CKAP5: variants seen among roughly 807,000 people sequenced by gnomAD.
The protein encoded by CKAP5 is cytoskeleton associated protein 5.
CKAP5 carries 27 observed loss-of-function variants against 232.8 expected under a neutral mutation model. The observed-to-expected ratio is 0.12, with a 90% CI of 0.09 to 0.16. CKAP5 has a LOEUF of 0.16. Ranked by LOEUF, CKAP5 falls within the 10% of genes least tolerant of loss-of-function variation. The pLI is 1.00. For synonymous variants in CKAP5, 785 were observed against 841.1 expected, an observed-to-expected ratio of 0.93 and a Z score of 1.16; for missense variants, 1,838 against 2,424.7, an observed-to-expected ratio of 0.76 and a Z score of 5.08.
At chr11:46,782,367 A>G (rs1258396487) in intron 18 of CKAP5, among the ~76,000 whole-genome samples, 1 of 152,228 alleles carries the variant, frequency 6.6e-6, no homozygotes, top group Non-Finnish European at 1.5e-5. Flanking sequence ...TATAAGTGAC[A>G]TGCCAAGAGA....
intron 25 of CKAP5, chr11:46,770,410 T>A (rs1362850241): frequency 5.6e-6 from 2 of 355,702 alleles, no homozygotes; most frequent in African/African-American, 4.2e-5. Flanking sequence ...ATATGGTTTT[T>A]TCCTCATATA....
chr11:46,799,449 T>C (rs1488724633), intron 9 of CKAP5, among the ~76,000 whole-genome samples: 1 of 152,224 alleles, frequency 6.6e-6, no homozygotes, highest in African/African-American at 2.4e-5. Flanking sequence ...AATCAAGATA[T>C]TTTAATGTCT....
At chr11:46,835,644 C>A (rs886285577) in intron 1 of CKAP5, among the ~76,000 whole-genome samples, 1 of 152,130 alleles carries the variant, frequency 6.6e-6, no homozygotes, top group Non-Finnish European at 1.5e-5. Flanking sequence ...CTCACACATA[C>A]ACACTAGTCC....
chr11:46,789,339 A>G (rs1467923255), intron 15 of CKAP5, among the ~76,000 whole-genome samples: 1 of 152,162 alleles, frequency 6.6e-6, no homozygotes, highest in East Asian at 1.9e-4. Context: ...GCTCCTTTAC[A>G]ACACAGGTTT....
At chr11:46,841,743 G>A (rs1385214680) in intron 1 of CKAP5, among the ~76,000 whole-genome samples, 1 of 152,180 alleles carries the variant, frequency 6.6e-6, no homozygotes, top group Non-Finnish European at 1.5e-5. Flanking sequence ...GCTCACGCCT[G>A]TAATCCCAGC....
intron 26 of CKAP5, among the ~76,000 whole-genome samples, chr11:46,768,431 C>G (rs2065222293): frequency 6.6e-6 from 1 of 151,596 alleles, no homozygotes; most frequent in South Asian, 2.1e-4. Flanking sequence ...ACCTCCTTGT[C>G]CTCTCAAAGT....
At chr11:46,794,180 G>T (rs149200287) in intron 13 of CKAP5, among the ~76,000 whole-genome samples, 9 of 152,212 alleles carry the variant, frequency 5.9e-5, no homozygotes, top group African/African-American at 2.2e-4. Context: ...CATAAGCCTG[G>T]GGGCAGTGGC....
chr11:46,832,899 G>A (rs1033267439), intron 1 of CKAP5, among the ~76,000 whole-genome samples: 5 of 151,936 alleles, frequency 3.3e-5, no homozygotes, highest in African/African-American at 1.2e-4. Flanking sequence ...TGAAACTATA[G>A]TAAGCCATGA....
rs1428542047 is a variant in CKAP5, at chr11:46,755,105, C to T, written c.4690-38G>A. 2.6e-6 allele frequency: 4 copies of T among 1,521,510 alleles called. No individual in the cohort carries two copies. The Admixed American group carries it at 6.0e-5, about 23-fold the overall frequency. The allele number at this position is 1,521,510 out of a possible 1,614,324, so 94.3% of individuals were successfully genotyped here. Reference sequence around the variant, plus strand: ...ATTTCAAGATATATTTTCCAAGCTTCATACTTCTAAAATAGCGGAAGACAC... The same window carrying T: ...ATTTCAAGATATATTTTCCAAGCTTTATACTTCTAAAATAGCGGAAGACAC... On this transcript the variant is annotated intron_variant, in intron 35 of 43. Transcript: ENST00000529230.
Position 46,778,238 on chromosome 11 carries a change from T to G in CKAP5, c.2649A>C (p.Glu883Asp), listed in dbSNP as rs759552803. The G allele has an allele frequency of 6.8e-6, 11 of 1,613,764 alleles. No individual in the cohort carries two copies. The African/African-American group carries it at 1.5e-4, about 22-fold the overall frequency. The change falls in exon 22 of 44, where the codon GAA becomes GAC. Residue 883 changes from glutamate (E) to aspartate (D), a missense_variant. Glu to Asp is a conservative substitution (Grantham distance 45, BLOSUM62 2). This residue lies in a region of CKAP5 where 767 missense variants were observed against 954.6 expected (regional missense o/e 0.80). Transcript: ENST00000529230. ...NWKIRKEGLD[E>D]VAGIINDAKF... ...TTGCGTCATTAATAATACCTGCCAC[T>G]TCATCTAGGCCTTCTTTCCTAATCT... is the stretch of plus-strand genomic sequence containing the variant.
At chr11:46,844,566 G>A (rs1422264950) in intron 1 of CKAP5, among the ~76,000 whole-genome samples, 1 of 152,196 alleles carries the variant, frequency 6.6e-6, no homozygotes, top group South Asian at 2.1e-4. Flanking sequence ...AAGTAATGGA[G>A]AATAAAGTAA....
At chr11:46,792,179 T>C (rs1177647026) in intron 13 of CKAP5, among the ~76,000 whole-genome samples, 2 of 147,080 alleles carry the variant, frequency 1.4e-5, no homozygotes, top group African/African-American at 2.5e-5. Flanking sequence ...GCATTCTCTA[T>C]ATGGAGAGAT....
chr11:46,821,148 G>GA, intron 2 of CKAP5, 27 bp downstream of exon 2: 1 of 1,582,856 alleles, frequency 6.3e-7, no homozygotes, highest in Non-Finnish European at 8.7e-7. Context: ...CAACGACACT[G>GA]AAAATCGAAT....
chr11:46,754,870 C>T lies in CKAP5; in HGVS notation c.4869+18G>A. ...GAGAGATTGATGGGAAGCTGAAATTCTGCAGAGGTGCCCTTACCGAAATCA... is the reference window on the plus strand; with the variant it reads ...GAGAGATTGATGGGAAGCTGAAATTTTGCAGAGGTGCCCTTACCGAAATCA... On this transcript the variant is annotated intron_variant, in intron 36 of 43. Coordinates refer to ENST00000529230, the MANE Select transcript of CKAP5 (RefSeq NM_001008938.4). The T allele has an allele frequency of 6.2e-7, 1 of 1,604,528 alleles. No individual in the cohort carries two copies. The highest frequency in any genetic ancestry group is 8.5e-7 in the Non-Finnish European group (1 of 1,174,548).
At chr11:46,778,677 G>C in intron 20 of CKAP5, 78 bp from the exon 21 acceptor site, 2 of 1,212,178 alleles carry the variant, frequency 1.6e-6, no homozygotes, top group Non-Finnish European at 2.4e-6. Context: ...GGGTGCCTGT[G>C]TCAAACTCTC....
chr11:46,823,887 C>T (rs982007166), intron 1 of CKAP5, among the ~76,000 whole-genome samples: 1 of 152,170 alleles, frequency 6.6e-6, no homozygotes, highest in Admixed American at 6.5e-5. Flanking sequence ...CGTAATTCTC[C>T]ATCCCTAGTT....
Position 46,780,410 on chromosome 11 carries a change from ATGT to A in CKAP5, c.2307+15_2307+17del. On this transcript the variant is annotated intron_variant, in intron 19 of 43. Coordinates refer to ENST00000529230, the MANE Select transcript of CKAP5 (RefSeq NM_001008938.4). Reference sequence around the variant, plus strand: ...CAAAGATGGCAATACTGCCCTATATATGTTGTTATGTACTCACTGGGTTTGTTG... The same window carrying A: ...CAAAGATGGCAATACTGCCCTATATATGTTATGTACTCACTGGGTTTGTTG... 1 of 1,613,606 alleles carries A rather than the reference ATGT, an allele frequency of 6.2e-7. No individual in the cohort carries two copies. The highest frequency in any genetic ancestry group is 8.5e-7 in the Non-Finnish European group (1 of 1,179,592).
chr11:46,772,805 G>A (rs1372073638), intron 24 of CKAP5, among the ~76,000 whole-genome samples: 2 of 151,582 alleles, frequency 1.3e-5, no homozygotes, highest in African/African-American at 2.4e-5. Flanking sequence ...GCAGTGGCAC[G>A]ATCTTGGCTC....
At chr11:46,764,182 A>G (rs1308938989) in intron 28 of CKAP5, among the ~76,000 whole-genome samples, 3 of 152,222 alleles carry the variant, frequency 2.0e-5, no homozygotes, top group African/African-American at 7.2e-5. Context: ...TCCTACATAT[A>G]ACTATATAAC....
Sources: gnomAD v4.1 joint callset for allele counts (sites outside exome capture counted in the v4.1 genomes callset) on GRCh38, gnomAD v4.1.1 for gene constraint, gnomAD v4.1.1 regional missense constraint, MANE v1.5 for transcripts, NCBI Gene and HGNC (gene_info 2026-07-23, HGNC 2026-07-21) for gene names.